Variants in OTOA observed in about 807,000 individuals in gnomAD.
OTOA encodes otoancorin, also known as cancer/testis antigen 108.
In OTOA, 70 loss-of-function variants were observed where a neutral mutation model predicts 110.8. That is an observed-to-expected ratio of 0.63 (90% CI 0.52 to 0.77). OTOA has a LOEUF of 0.77. Among genes scored for constraint, OTOA ranks in the 30% least tolerant of loss-of-function variants. The probability of loss-of-function intolerance (pLI) is 0.00; values close to 1 mark genes in which losing one functional copy is unlikely to be tolerated. For synonymous variants in OTOA, 373 were observed against 431.5 expected, an observed-to-expected ratio of 0.86 and a Z score of 1.68; for missense variants, 917 against 1,075.8, an observed-to-expected ratio of 0.85 and a Z score of 2.06.
intron 27 of OTOA, among the ~76,000 whole-genome samples, chr16:21,756,309 T>C (rs193248541): frequency 2.0e-5 from 3 of 151,994 alleles, no homozygotes; most frequent in African/African-American, 4.8e-5. Context: ...ATATCACCAA[T>C]AGATGACTGC....
Position 21,665,135 on chromosome 16 carries a change from G to A in OTOA, c.-5+903G>A, listed in dbSNP as rs183962977. On this transcript the variant is annotated intron_variant, in intron 1 of 28. Coordinates refer to ENST00000646100, the MANE Select transcript of OTOA (RefSeq NM_144672.4). ...GCCCAATAGCACACAGCTGGTTAAG[G>A]TTTGGTTCAGGTTAAAGCTGGGGTC... Among the ~76,000 whole-genome samples the A allele has an allele frequency of 2.0e-3, 300 of 152,274 alleles. 1 individual carries two copies. The highest frequency in any genetic ancestry group is 6.8e-3 in the Middle Eastern group (2 of 294).
At chr16:21,717,978 A>G (rs1283806414) in intron 15 of OTOA, among the ~76,000 whole-genome samples, 1 of 152,002 alleles carries the variant, frequency 6.6e-6, no homozygotes, top group East Asian at 1.9e-4. Flanking sequence ...ATTTTTTGAG[A>G]CAGAGTCTCT....
intron 9 of OTOA, among the ~76,000 whole-genome samples, chr16:21,694,265 A>T (rs941905261): frequency 6.6e-6 from 1 of 151,960 alleles, no homozygotes; most frequent in African/African-American, 2.4e-5. Flanking sequence ...ACATAGCAAG[A>T]CCCCATTTCT....
At chr16:21,717,179 T>G (rs1898582727) in intron 15 of OTOA, 132 bp downstream of exon 15, 1 of 1,330,430 alleles carries the variant, frequency 7.5e-7, no homozygotes, top group Non-Finnish European at 1.0e-6. Flanking sequence ...CAGAATAGTA[T>G]AGTGTTAAGA....
chr16:21,696,663 G>A (rs953095538), intron 9 of OTOA, among the ~76,000 whole-genome samples: 5 of 151,720 alleles, frequency 3.3e-5, no homozygotes, highest in Non-Finnish European at 5.9e-5. Flanking sequence ...TCCACCTCCC[G>A]GGCTCAAGAG....
intron 9 of OTOA, among the ~76,000 whole-genome samples, chr16:21,696,086 G>T (rs1010050153): frequency 6.6e-6 from 1 of 150,982 alleles, no homozygotes; most frequent in Non-Finnish European, 1.5e-5. Context: ...TTAGAGATGG[G>T]GTTTCGCCAT....
At chr16:21,688,843 C>T (rs188123982) in intron 8 of OTOA, among the ~76,000 whole-genome samples, 12 of 152,266 alleles carry the variant, frequency 7.9e-5, no homozygotes, top group African/African-American at 1.9e-4. Flanking sequence ...TTTGGGGAAA[C>T]GCAAACATTC....
intron 6 of OTOA, 36 bp downstream of exon 6, chr16:21,681,861 C>G (rs1966898395): frequency 1.3e-6 from 2 of 1,583,302 alleles, no homozygotes; most frequent in Admixed American, 3.3e-5. Flanking sequence ...GTTCCCATCT[C>G]AGTGCTCAGG....
chr16:21,689,230 T>C (rs1388993909), intron 8 of OTOA, among the ~76,000 whole-genome samples: 2 of 152,162 alleles, frequency 1.3e-5, no homozygotes, highest in Non-Finnish European at 2.9e-5. Context: ...AATATGATGA[T>C]AACAATGTGG....
At chr16:21,709,783 A>C in intron 12 of OTOA, 105 bp from the exon 13 acceptor site, 1 of 1,000,814 alleles carries the variant, frequency 1.0e-6, no homozygotes, top group Admixed American at 1.8e-5. Flanking sequence ...TTGATGGAAC[A>C]GGGTCAAGGG....
intron 18 of OTOA, 67 bp from the exon 19 acceptor site, chr16:21,726,456 C>A: frequency 3.7e-6 from 6 of 1,601,174 alleles, no homozygotes; most frequent in Non-Finnish European, 5.1e-6. Context: ...GGCAGGCGGA[C>A]CCTGATTTTA....
At chr16:21,713,770 A>T (rs917087419) in intron 13 of OTOA, among the ~76,000 whole-genome samples, 2 of 152,168 alleles carry the variant, frequency 1.3e-5, no homozygotes, top group Non-Finnish European at 2.9e-5. Context: ...TGACTCAGGT[A>T]CCAGGCCAGC....
At chr16:21,725,182 G>C (rs1898874599) in intron 18 of OTOA, among the ~76,000 whole-genome samples, 1 of 152,196 alleles carries the variant, frequency 6.6e-6, no homozygotes, top group East Asian at 1.9e-4. Context: ...TTGGTGCCTA[G>C]AACAGTGCCT....
chr16:21,752,297 G>A lies in OTOA; in HGVS notation c.2919-72G>A, dbSNP rs1899852124. The A allele has an allele frequency of 2.0e-5, 17 of 838,074 alleles. 3 individuals are homozygous for A. Among genetic ancestry groups the A allele is most frequent in the Non-Finnish European group, 2.9e-5 (15 of 512,560 alleles). The allele number at this position is 838,074 out of a possible 1,614,324, so 51.9% of individuals were successfully genotyped here. A position where few individuals can be genotyped will look rare whatever the true frequency, so the allele number is the denominator to read the frequency against. ...TGTGTGTGTATGTGTGTGTGTGTGT[G>A]TGTGTGTTTGTTTGTTTTTGGCTGA... On this transcript the variant is annotated intron_variant, in intron 25 of 28. Transcript: ENST00000646100.
chr16:21,747,493 TA>T (rs1313903452), intron 24 of OTOA: 5 of 103,512 alleles, frequency 4.8e-5, no homozygotes, highest in African/African-American at 1.5e-4. Context: ...GTTTCTAGAT[TA>T]ATAGTCAGAC....
At chr16:21,675,307 ATTTTTTT>A (rs57498010) in intron 1 of OTOA, among the ~76,000 whole-genome samples, 3 of 37,128 alleles carry the variant, frequency 8.1e-5, no homozygotes, top group South Asian at 2.7e-3. Flanking sequence ...ACACCTGGCT[ATTTTTTT>A]TTTTTTTTTT....
intron 22 of OTOA, among the ~76,000 whole-genome samples, chr16:21,738,393 A>G (rs1352128670): frequency 4.2e-5 from 5 of 118,488 alleles, no homozygotes; most frequent in Admixed American, 9.8e-5. Flanking sequence ...AAGTATCACA[A>G]TTGGATTTGT....
chr16:21,726,226 C>T (rs1898910396), intron 18 of OTOA, among the ~76,000 whole-genome samples: 1 of 151,900 alleles, frequency 6.6e-6, no homozygotes, highest in Non-Finnish European at 1.5e-5. Flanking sequence ...TTTGTTCCCA[C>T]CCACAGAAGA....
At chr16:21,681,931 T>C (rs1966899438) in intron 6 of OTOA, 106 bp downstream of exon 6, 2 of 1,044,104 alleles carry the variant, frequency 1.9e-6, no homozygotes, top group Non-Finnish European at 2.9e-6. Flanking sequence ...AGATAGTCTT[T>C]GCTTCTGCAA....
Sources: gnomAD v4.1 joint callset for allele counts (sites outside exome capture counted in the v4.1 genomes callset) on GRCh38, gnomAD v4.1.1 for gene constraint, MANE v1.5 for transcripts, NCBI Gene and HGNC (gene_info 2026-07-23, HGNC 2026-07-21) for gene names.